FBXO4: variants seen among roughly 807,000 people sequenced by gnomAD.
The protein encoded by FBXO4 is F-box only protein 4.
In FBXO4, 36 loss-of-function variants were observed where a neutral mutation model predicts 43.7. That is an observed-to-expected ratio of 0.82 (90% CI 0.63 to 1.09). The LOEUF (loss-of-function observed/expected upper bound fraction) is 1.09, where lower values mean the gene tolerates loss of function less well. FBXO4 is among the 50% of genes least tolerant of loss of function. FBXO4 has a pLI of 0.00. For synonymous variants in FBXO4, 180 were observed against 165.6 expected (o/e 1.09, Z -0.67); for missense variants, 435 against 474.1 (o/e 0.92, Z 0.77).
the FBXO4 span, among the ~76,000 whole-genome samples, chr5:42,008,623 G>A: frequency 4.6e-5 from 7 of 152,194 alleles, no homozygotes; most frequent in South Asian, 1.2e-3. Context: ...GCCTCTTTGT[G>A]TGTGGGGGAA....
the FBXO4 span, among the ~76,000 whole-genome samples, chr5:41,963,141 T>C: frequency 6.6e-6 from 1 of 152,036 alleles, no homozygotes; most frequent in Non-Finnish European, 1.5e-5. Context: ...TACCTGATAG[T>C]TTACATATAA....
chr5:42,030,706 C>T, the FBXO4 span, among the ~76,000 whole-genome samples: 1 of 151,830 alleles, frequency 6.6e-6, no homozygotes, highest in Non-Finnish European at 1.5e-5. Flanking sequence ...GCAACCTACT[C>T]ATCTGACAAA....
the FBXO4 span, among the ~76,000 whole-genome samples, chr5:42,020,711 C>T: frequency 1.3e-5 from 2 of 152,160 alleles, no homozygotes; most frequent in Non-Finnish European, 2.9e-5. Flanking sequence ...GAAGAAACCA[C>T]AGCCAACTTC....
chr5:41,943,599 A>C (rs761881952), downstream of FBXO4, among the ~76,000 whole-genome samples: 1 of 152,184 alleles, frequency 6.6e-6, no homozygotes, highest in East Asian at 1.9e-4. Context: ...TTATCCTGAC[A>C]TAAAACAACT....
the FBXO4 span, among the ~76,000 whole-genome samples, chr5:41,989,094 GA>G: frequency 1.3e-5 from 2 of 151,884 alleles, no homozygotes; most frequent in African/African-American, 2.4e-5. Context: ...CAATATTTAA[GA>G]AAAAAACGGC....
At position 41,929,900 on chromosome 5, in the gene FBXO4, C is replaced by T. The variant is rs768860339; in HGVS notation, c.629C>T (p.Pro210Leu). 1 of 1,610,924 alleles carries T rather than the reference C, an allele frequency of 6.2e-7. No homozygotes were observed. The highest frequency in any genetic ancestry group is 8.5e-7 in the Non-Finnish European group (1 of 1,179,014). The change falls in exon 3 of 7, where the codon CCT becomes CTT. Residue 210 changes from proline to leucine, a missense_variant. Coordinates refer to ENST00000281623, the MANE Select transcript of FBXO4 (RefSeq NM_012176.3). Reference sequence around the variant, plus strand: ...GAACTTTGCCCAACAGCTGGTTTGCCTCAGAGGCAGATTGATGGTAATTTT... The same window carrying T: ...GAACTTTGCCCAACAGCTGGTTTGCTTCAGAGGCAGATTGATGGTAATTTT... Reference protein sequence around the residue: ...SEELCPTAGLPQRQIDGIGSG... With the variant: ...SEELCPTAGLLQRQIDGIGSG...
the FBXO4 span, among the ~76,000 whole-genome samples, chr5:41,969,980 G>A: frequency 7.3e-6 from 1 of 136,994 alleles, no homozygotes; most frequent in African/African-American, 2.5e-5. Flanking sequence ...ATAGTACTGT[G>A]GTTACTGTAT....
chr5:42,014,536 C>T, the FBXO4 span, among the ~76,000 whole-genome samples: 1 of 152,116 alleles, frequency 6.6e-6, no homozygotes, highest in African/African-American at 2.4e-5. Flanking sequence ...AATCCCAGTC[C>T]TGCCATTTGC....
the FBXO4 span, among the ~76,000 whole-genome samples, chr5:41,965,369 T>C: frequency 6.6e-6 from 1 of 152,204 alleles, no homozygotes; most frequent in Non-Finnish European, 1.5e-5. Flanking sequence ...CAATATGGGC[T>C]CTTTTTTGGT....
At chr5:41,963,629 A>C in the FBXO4 span, among the ~76,000 whole-genome samples, 1,764 of 152,336 alleles carry the variant, frequency 0.012, 80 homozygotes, top group Admixed American at 0.074. Context: ...GTTATCAAGA[A>C]AATCACAAGA....
chr5:42,020,304 A>C, the FBXO4 span, among the ~76,000 whole-genome samples: 1 of 152,202 alleles, frequency 6.6e-6, no homozygotes, highest in Non-Finnish European at 1.5e-5. Context: ...TCAATCAAGT[A>C]ACAATTATTG....
chr5:42,030,243 T>C, the FBXO4 span, among the ~76,000 whole-genome samples: 2 of 152,196 alleles, frequency 1.3e-5, no homozygotes, highest in Non-Finnish European at 2.9e-5. Flanking sequence ...AGCATGGTAC[T>C]GGTACCAAAA....
chr5:41,973,335 C>T, the FBXO4 span, among the ~76,000 whole-genome samples: 1 of 152,114 alleles, frequency 6.6e-6, no homozygotes, highest in Non-Finnish European at 1.5e-5. Flanking sequence ...CCTTACTAAT[C>T]ATTACAGAAA....
the FBXO4 span, among the ~76,000 whole-genome samples, chr5:41,999,545 G>GTATA: frequency 5.9e-3 from 615 of 103,380 alleles, 18 homozygotes; most frequent in African/African-American, 0.025. Context: ...ACATATATAT[G>GTATA]TATATATATA....
the FBXO4 span, among the ~76,000 whole-genome samples, chr5:42,017,696 C>T: frequency 2.0e-5 from 3 of 151,654 alleles, no homozygotes; most frequent in Admixed American, 6.6e-5. Context: ...GTGATAATTT[C>T]GTTTTCTGTT....
chr5:41,977,803 CT>C, the FBXO4 span, among the ~76,000 whole-genome samples: 1 of 152,148 alleles, frequency 6.6e-6, no homozygotes, highest in Non-Finnish European at 1.5e-5. Flanking sequence ...ATATTCCAAA[CT>C]TTTCCTCATC....
intron 5 of FBXO4, among the ~76,000 whole-genome samples, chr5:41,938,421 G>A (rs570652710): frequency 8.5e-4 from 129 of 152,154 alleles, no homozygotes; most frequent in African/African-American, 2.9e-3. Context: ...TCCAAAAGAA[G>A]GTAGGCAAAG....
chr5:41,988,629 T>C, the FBXO4 span, among the ~76,000 whole-genome samples: 14 of 152,126 alleles, frequency 9.2e-5, no homozygotes, highest in African/African-American at 2.4e-5. Flanking sequence ...TTCATGGAGG[T>C]TGCGGCTCAT....
the FBXO4 span, among the ~76,000 whole-genome samples, chr5:41,962,131 C>A: frequency 2.6e-5 from 4 of 152,218 alleles, no homozygotes; most frequent in South Asian, 4.1e-4. Context: ...AAGGCTGGTA[C>A]CTCCTACTCT....
Sources: gnomAD v4.1 joint callset for allele counts (sites outside exome capture counted in the v4.1 genomes callset) on GRCh38, gnomAD v4.1.1 for gene constraint, MANE v1.5 for transcripts, NCBI Gene and HGNC (gene_info 2026-07-23, HGNC 2026-07-21) for gene names.